TSPEAR: variants seen among roughly 807,000 people sequenced by gnomAD.
The protein encoded by TSPEAR is thrombospondin type laminin G domain and EAR repeats.
TSPEAR carries 69 observed loss-of-function variants against 71.6 expected under a neutral mutation model. That is an observed-to-expected ratio of 0.96 (90% CI 0.79 to 1.18). The LOEUF is 1.18. Among genes scored for constraint, TSPEAR ranks in the 50% most tolerant of loss-of-function variants. The pLI is 0.00. For missense variants in TSPEAR, 971 were observed against 894.9 expected (o/e 1.09, Z -1.09); for synonymous variants, 402 against 387.2 (o/e 1.04, Z -0.45).
intron 1 of TSPEAR, among the ~76,000 whole-genome samples, chr21:44,625,455 A>G (rs1199820958): frequency 1.3e-5 from 2 of 152,226 alleles, no homozygotes; most frequent in Non-Finnish European, 2.9e-5. Flanking sequence ...TTACAAAAAG[A>G]AATATTGATA....
chr21:44,566,560 G>T (rs1351143699), intron 2 of TSPEAR, among the ~76,000 whole-genome samples: 1 of 152,002 alleles, frequency 6.6e-6, no homozygotes, highest in Non-Finnish European at 1.5e-5. Flanking sequence ...AATTTAAAAA[G>T]AGGAACAAAG....
At chr21:44,504,936 G>C in intron 10 of TSPEAR, 55 bp from the exon 11 acceptor site, 2 of 1,459,168 alleles carry the variant, frequency 1.4e-6, no homozygotes, top group Non-Finnish European at 1.9e-6. Context: ...CAGGGAACTG[G>C]GGGATTGGCC....
At chr21:44,672,574 CAAAAA>C (rs71199617) in intron 1 of TSPEAR, among the ~76,000 whole-genome samples, 1 of 150,922 alleles carries the variant, frequency 6.6e-6, no homozygotes, top group African/African-American at 2.4e-5. Context: ...CGTCTCAAAA[CAAAAA>C]AAAAAGAAAA....
At chr21:44,509,051 G>A in intron 10 of TSPEAR, 148 bp downstream of exon 10, 2 of 1,370,770 alleles carry the variant, frequency 1.5e-6, no homozygotes, top group Non-Finnish European at 2.0e-6. Flanking sequence ...CTTTCCACAG[G>A]AAGGTCCCCA....
chr21:44,638,706 C>T (rs1370685618), intron 1 of TSPEAR, among the ~76,000 whole-genome samples: 2 of 152,034 alleles, frequency 1.3e-5, no homozygotes, highest in Non-Finnish European at 2.9e-5. Context: ...AACCCCAGCA[C>T]GTGGCCCCCC....
chr21:44,659,637 C>T (rs377458347), intron 1 of TSPEAR, among the ~76,000 whole-genome samples: 1 of 152,102 alleles, frequency 6.6e-6, no homozygotes, highest in African/African-American at 2.4e-5. Context: ...CAAAAGTGAC[C>T]CAGGGGCTGG....
At chr21:44,666,644 C>G in intron 1 of TSPEAR, 1 of 1,613,574 alleles carries the variant, frequency 6.2e-7, no homozygotes, top group Non-Finnish European at 8.5e-7. Flanking sequence ...ACACAGAAGA[C>G]TGGCAGCTCA....
At chr21:44,655,537 A>G (rs1471620527) in intron 1 of TSPEAR, among the ~76,000 whole-genome samples, 1 of 152,214 alleles carries the variant, frequency 6.6e-6, no homozygotes, top group Non-Finnish European at 1.5e-5. Context: ...GGAGCCCAGG[A>G]GGACCCATCA....
intron 3 of TSPEAR, 140 bp from the exon 4 acceptor site, chr21:44,531,273 T>C (rs2052965685): frequency 1.5e-6 from 1 of 666,726 alleles, no homozygotes; most frequent in South Asian, 1.9e-5. Flanking sequence ...CACACAGGGC[T>C]GATCGCCTGC....
Position 44,627,857 on chromosome 21 carries a change from CCT to C in TSPEAR, c.83-59854_83-59853del, listed in dbSNP as rs782546550. The C allele has an allele frequency of 3.7e-6, 6 of 1,613,642 alleles. No homozygotes were observed. In the South Asian group the frequency reaches 4.4e-5, roughly 12 times the overall value. The stretch of plus-strand genomic sequence containing the variant: ...ACCACCTCCTGCTGCAGACCCTCCT[CCT>C]CTGTGTCCCTCCTCTGCCGCCCTGT... On this transcript the variant is annotated intron_variant, in intron 1 of 11. Coordinates refer to ENST00000323084, the MANE Select transcript of TSPEAR (RefSeq NM_144991.3).
At chr21:44,513,873 G>T (rs2052473692) in intron 9 of TSPEAR, among the ~76,000 whole-genome samples, 1 of 152,164 alleles carries the variant, frequency 6.6e-6, no homozygotes, top group African/African-American at 2.4e-5. Flanking sequence ...CCTCTCTGAG[G>T]GTAGCCAGCT....
At chr21:44,526,680 C>T (rs1400220702) in intron 7 of TSPEAR, among the ~76,000 whole-genome samples, 1 of 152,214 alleles carries the variant, frequency 6.6e-6, no homozygotes, top group Non-Finnish European at 1.5e-5. Flanking sequence ...TATTTGGGGG[C>T]AGTCAGGAGG....
intron 1 of TSPEAR, among the ~76,000 whole-genome samples, chr21:44,602,570 C>T (rs1981024629): frequency 6.6e-6 from 1 of 152,170 alleles, no homozygotes; most frequent in Non-Finnish European, 1.5e-5. Context: ...AGGGGCTCCC[C>T]CCGGCCCCGC....
chr21:44,556,647 G>T (rs909480527), intron 2 of TSPEAR, among the ~76,000 whole-genome samples: 1 of 152,104 alleles, frequency 6.6e-6, no homozygotes, highest in African/African-American at 2.4e-5. Context: ...AGCCGAGATC[G>T]CACCACTGCA....
intron 1 of TSPEAR, chr21:44,574,324 C>T (rs587727171): frequency 5.7e-5 from 91 of 1,605,418 alleles, no homozygotes; most frequent in Admixed American, 5.1e-4. Context: ...TGCTGCCAGG[C>T]GGTCTGTGAG....
intron 1 of TSPEAR, among the ~76,000 whole-genome samples, chr21:44,659,598 G>A (rs1345502330): frequency 2.0e-5 from 3 of 152,126 alleles, no homozygotes; most frequent in Admixed American, 1.3e-4. Context: ...GCCATTGTTG[G>A]GAGACAAAGA....
At chr21:44,556,430 T>C (rs1468326866) in intron 2 of TSPEAR, among the ~76,000 whole-genome samples, 3 of 148,578 alleles carry the variant, frequency 2.0e-5, no homozygotes, top group African/African-American at 7.5e-5. Context: ...CAGTGGCTCA[T>C]GCCTGTAATC....
intron 1 of TSPEAR, chr21:44,573,840 C>A: frequency 1.2e-6 from 2 of 1,614,186 alleles, no homozygotes; most frequent in African/African-American, 1.3e-5. Context: ...CGACTCCTGG[C>A]AGGTGGACGA....
At chr21:44,608,637 A>G (rs1981463994) in intron 1 of TSPEAR, among the ~76,000 whole-genome samples, 1 of 152,246 alleles carries the variant, frequency 6.6e-6, no homozygotes, top group Admixed American at 6.5e-5. Flanking sequence ...CCAAGGTTCA[A>G]TGAGTGGCTT....
Sources: allele counts gnomAD v4.1 joint callset (sites outside exome capture counted in the v4.1 genomes callset), GRCh38; gene constraint gnomAD v4.1.1; transcripts MANE v1.5; gene names NCBI Gene and HGNC (gene_info 2026-07-23, HGNC 2026-07-21).